MMP16: variants seen among roughly 807,000 people sequenced by gnomAD.
The protein encoded by MMP16 is matrix metalloproteinase-16.
MMP16 carries 12 observed loss-of-function variants against 67.8 expected under a neutral mutation model. That is an observed-to-expected ratio of 0.18 (90% confidence interval 0.11 to 0.29). The LOEUF (loss-of-function observed/expected upper bound fraction) is 0.29, where lower values mean the gene tolerates loss of function less well. Ranked by LOEUF, MMP16 falls within the 10% of genes least tolerant of loss-of-function variation. The probability of loss-of-function intolerance (pLI) is 1.00; values close to 1 mark genes in which losing one functional copy is unlikely to be tolerated. For missense variants in MMP16, 475 were observed against 765.7 expected (o/e 0.62, Z 4.48); for synonymous variants, 249 against 255.9 (o/e 0.97, Z 0.26).
chr8:88,197,998 T>C (rs28907570), intron 1 of MMP16, among the ~76,000 whole-genome samples: 2,361 of 152,282 alleles, frequency 0.016, 61 homozygotes, highest in African/African-American at 0.053. Flanking sequence ...GTGTTTAGAC[T>C]TCTCTTTAAG....
At chr8:88,186,729 T>A in intron 2 of MMP16, 131 bp from the exon 3 acceptor site, 2 of 1,235,708 alleles carry the variant, frequency 1.6e-6, no homozygotes, top group Admixed American at 5.6e-5. Flanking sequence ...TGGCAAAATA[T>A]AAAGTAAAGG....
intron 1 of MMP16, among the ~76,000 whole-genome samples, chr8:88,281,421 G>A (rs1367061599): frequency 6.6e-6 from 1 of 152,180 alleles, no homozygotes; most frequent in Non-Finnish European, 1.5e-5. Flanking sequence ...TCAGAGGAAG[G>A]TGAAACCCAT....
At chr8:88,215,204 C>T (rs549335700) in intron 1 of MMP16, among the ~76,000 whole-genome samples, 3 of 151,962 alleles carry the variant, frequency 2.0e-5, no homozygotes, top group African/African-American at 7.2e-5. Flanking sequence ...GTGGTGGGCA[C>T]CTGTAATCCC....
At chr8:88,138,704 A>G (rs1808162670) in intron 4 of MMP16, among the ~76,000 whole-genome samples, 1 of 152,090 alleles carries the variant, frequency 6.6e-6, no homozygotes. Context: ...AAATGTCCTA[A>G]GATCACCTAA....
intron 3 of MMP16, among the ~76,000 whole-genome samples, chr8:88,169,305 G>A (rs1425715890): frequency 6.6e-6 from 1 of 152,046 alleles, no homozygotes; most frequent in Non-Finnish European, 1.5e-5. Flanking sequence ...CATTGGGCAG[G>A]AATTATATAA....
Position 88,319,788 on chromosome 8 carries a change from G to A in MMP16, c.132+7287C>T, listed in dbSNP as rs761509990. 5.3e-5 allele frequency among the ~76,000 whole-genome samples: 8 copies of A among 151,842 alleles called. No homozygotes were observed. The East Asian group carries it at 7.7e-4, about 15-fold the overall frequency. On this transcript the variant is annotated intron_variant, in intron 1 of 9. Transcript: ENST00000286614. The stretch of plus-strand genomic sequence containing the variant: ...CAGTTTATTCCTCCTTAACTTAAAC[G>A]GGGCTAAAACAAATACTATAAGATT...
At chr8:88,076,356 T>G (rs1218528088) in intron 6 of MMP16, among the ~76,000 whole-genome samples, 3 of 152,296 alleles carry the variant, frequency 2.0e-5, no homozygotes, top group Admixed American at 6.5e-5. Context: ...TAAAATTATA[T>G]TGAAACGAGT....
chr8:88,277,748 A>G (rs983382965), intron 1 of MMP16, among the ~76,000 whole-genome samples: 3 of 152,188 alleles, frequency 2.0e-5, no homozygotes, highest in African/African-American at 7.2e-5. Flanking sequence ...ACTGTGTGTA[A>G]GACCAGTGAT....
At chr8:88,170,897 CATAAG>C (rs990209294) in intron 3 of MMP16, among the ~76,000 whole-genome samples, 1 of 152,068 alleles carries the variant, frequency 6.6e-6, no homozygotes, top group Non-Finnish European at 1.5e-5. Context: ...CAGAAGTTCA[CATAAG>C]AGAAGATAGA....
intron 3 of MMP16, among the ~76,000 whole-genome samples, chr8:88,181,531 T>C (rs1808980721): frequency 6.6e-6 from 1 of 151,398 alleles, no homozygotes; most frequent in Admixed American, 6.6e-5. Flanking sequence ...AAGATCTCAA[T>C]AAATAGGAAG....
At chr8:88,074,789 C>G in intron 6 of MMP16, 46 bp from the exon 7 acceptor site, 1 of 1,589,980 alleles carries the variant, frequency 6.3e-7, no homozygotes, top group Non-Finnish European at 8.6e-7. Flanking sequence ...GTAGGCCTCC[C>G]TGGCATTTCA....
chr8:88,068,388 G>C (rs1234089886), intron 7 of MMP16, among the ~76,000 whole-genome samples: 1 of 152,050 alleles, frequency 6.6e-6, no homozygotes, highest in Non-Finnish European at 1.5e-5. Flanking sequence ...TCTTTGAAGG[G>C]TAGAATTTTT....
chr8:88,189,941 A>T (rs1300312733), intron 2 of MMP16, among the ~76,000 whole-genome samples: 1 of 152,186 alleles, frequency 6.6e-6, no homozygotes, highest in African/African-American at 2.4e-5. Flanking sequence ...CCAATAAGGA[A>T]CATGAAGCAA....
At chr8:88,304,635 C>T (rs1446959091) in intron 1 of MMP16, among the ~76,000 whole-genome samples, 1 of 152,118 alleles carries the variant, frequency 6.6e-6, no homozygotes, top group South Asian at 2.1e-4. Flanking sequence ...AGATTGGGGG[C>T]CAATATTCAA....
intron 6 of MMP16, among the ~76,000 whole-genome samples, chr8:88,095,356 T>C (rs2118358572): frequency 6.6e-6 from 1 of 151,854 alleles, no homozygotes; most frequent in South Asian, 2.1e-4. Context: ...GAGTCCTGGA[T>C]TCTGGTTTTG....
At chr8:88,053,834 A>T (rs1808299420) in intron 8 of MMP16, among the ~76,000 whole-genome samples, 1 of 152,148 alleles carries the variant, frequency 6.6e-6, no homozygotes, top group South Asian at 2.1e-4. Flanking sequence ...ATTAATTGAA[A>T]CCCTGCTTTC....
chr8:88,294,517 C>T (rs1810981439), intron 1 of MMP16, among the ~76,000 whole-genome samples: 7 of 121,880 alleles, frequency 5.7e-5, no homozygotes, highest in Non-Finnish European at 1.0e-4. Flanking sequence ...TCTCTACACA[C>T]ACATGTATAT....
At chr8:88,327,010 T>A in intron 1 of MMP16, 65 bp downstream of exon 1, 1 of 1,598,424 alleles carries the variant, frequency 6.3e-7, no homozygotes. Context: ...ATCCCAGGAG[T>A]GAAGGAAATG....
intron 6 of MMP16, among the ~76,000 whole-genome samples, chr8:88,085,888 T>C (rs1808825697): frequency 6.7e-6 from 1 of 149,818 alleles, no homozygotes; most frequent in Admixed American, 6.6e-5. Flanking sequence ...CACTGAAGAG[T>C]TTAGTGATGT....
Sources: allele counts gnomAD v4.1 joint callset (sites outside exome capture counted in the v4.1 genomes callset), GRCh38; gene constraint gnomAD v4.1.1; transcripts MANE v1.5; gene names NCBI Gene and HGNC (gene_info 2026-07-23, HGNC 2026-07-21).